FIG4: variants seen among roughly 807,000 people sequenced by gnomAD.
FIG4 encodes FIG4 phosphoinositide 5-phosphatase.
A neutral mutation model predicts 118.6 loss-of-function variants in FIG4; 112 were observed. The observed-to-expected ratio is 0.94, with a 90% CI of 0.81 to 1.11. The LOEUF (loss-of-function observed/expected upper bound fraction) is 1.11. Among genes scored for constraint, FIG4 ranks in the 50% least tolerant of loss-of-function variants. The pLI is 0.00. For synonymous variants in FIG4, 369 were observed against 381.2 expected (o/e 0.97, Z 0.37); for missense variants, 969 against 1,111.7 (o/e 0.87, Z 1.83).
intron 2 of FIG4, 46 bp from the exon 3 acceptor site, chr6:109,716,399 C>T: frequency 6.2e-7 from 1 of 1,604,632 alleles, no homozygotes; most frequent in Non-Finnish European, 8.5e-7. Context: ...AATAAATAAT[C>T]TAAAGTTTAA....
At chr6:109,734,192 C>G (rs1776092289) in intron 5 of FIG4, among the ~76,000 whole-genome samples, 1 of 151,684 alleles carries the variant, frequency 6.6e-6, no homozygotes, top group Non-Finnish European at 1.5e-5. Flanking sequence ...ACTCTCCAGA[C>G]ACAATTGTAC....
At chr6:109,776,429 A>G (rs1297104168) in intron 15 of FIG4, among the ~76,000 whole-genome samples, 5 of 152,190 alleles carry the variant, frequency 3.3e-5, no homozygotes, top group Non-Finnish European at 7.3e-5. Flanking sequence ...TATCTTTTCA[A>G]GGATTAAAAG....
chr6:109,726,654 G>T (rs979663338), intron 3 of FIG4, among the ~76,000 whole-genome samples: 5 of 152,168 alleles, frequency 3.3e-5, no homozygotes, highest in Non-Finnish European at 5.9e-5. Flanking sequence ...GAAAGTCAAT[G>T]GTAGCTTGAT....
chr6:109,747,036 G>A (rs1210585726), intron 10 of FIG4, among the ~76,000 whole-genome samples: 3 of 152,044 alleles, frequency 2.0e-5, no homozygotes, highest in South Asian at 2.1e-4. Flanking sequence ...TTTGTTGGGG[G>A]AAGATCATGA....
Position 109,766,711 on chromosome 6 carries a change from G to C in FIG4, c.1584-18G>C, listed in dbSNP as rs368265869. The stretch of plus-strand genomic sequence containing the variant: ...TTGATTTTGGTGAAATTCTTTAATC[G>C]GGTTTTTCTTTTTTTAGGTTATTTG... On this transcript the variant is annotated intron_variant, in intron 14 of 22. Coordinates refer to ENST00000230124, the MANE Select transcript of FIG4 (RefSeq NM_014845.6). 6.2e-7 allele frequency: 1 copy of C among 1,609,832 alleles called. No individual in the cohort carries two copies. The highest frequency in any genetic ancestry group is 2.2e-5 in the East Asian group (1 of 44,840).
chr6:109,779,565 CT>C (rs1288798935), intron 16 of FIG4, among the ~76,000 whole-genome samples: 1 of 152,126 alleles, frequency 6.6e-6, no homozygotes, highest in Non-Finnish European at 1.5e-5. Flanking sequence ...TTTAGGTCTC[CT>C]TTTTCTGTTT....
At chr6:109,821,846 A>C (rs1195522180) in intron 22 of FIG4, among the ~76,000 whole-genome samples, 1 of 152,194 alleles carries the variant, frequency 6.6e-6, no homozygotes, top group Non-Finnish European at 1.5e-5. Flanking sequence ...GAAACTCTAC[A>C]ACCCAGATTC....
At chr6:109,696,682 A>C (rs975611444) in intron 1 of FIG4, among the ~76,000 whole-genome samples, 4 of 152,178 alleles carry the variant, frequency 2.6e-5, no homozygotes, top group African/African-American at 9.7e-5. Context: ...GTGCTAAAAA[A>C]CGATGTTGAG....
chr6:109,773,431 C>A (rs1014211234), intron 15 of FIG4, among the ~76,000 whole-genome samples: 3 of 152,150 alleles, frequency 2.0e-5, no homozygotes, highest in Non-Finnish European at 4.4e-5. Context: ...GACTCTGTCT[C>A]AAGTCCGTTT....
In FIG4 at chr6:109,691,500, CTG is replaced by C; in HGVS notation, c.66+2_66+3del. 1 of 1,577,074 alleles carries C rather than the reference CTG, an allele frequency of 6.3e-7. No homozygotes were observed. On this transcript the variant is annotated splice_donor_variant and coding_sequence_variant, in exon 1 of 23. Transcript: ENST00000230124. LOFTEE classifies it high-confidence loss of function. ...AAGCTGGTTCTGTATGAGACTAGAG[CTG>C]TGAGTACCCCCTCGCGGCGGGGCGC...
chr6:109,719,563 TC>T (rs1455688064), intron 3 of FIG4, among the ~76,000 whole-genome samples: 1 of 151,992 alleles, frequency 6.6e-6, no homozygotes, highest in Non-Finnish European at 1.5e-5. Context: ...TTTTTTCTTT[TC>T]TTTTTTTTTT....
chr6:109,724,877 C>T (rs1775750090), intron 3 of FIG4, among the ~76,000 whole-genome samples: 3 of 150,234 alleles, frequency 2.0e-5, no homozygotes. Flanking sequence ...ACAGAATTTA[C>T]CGTCACAATC....
Position 109,796,831 on chromosome 6 carries a change from C to T in FIG4, c.2526C>T (p.Cys842=). 1 of 1,603,396 alleles carries T rather than the reference C, an allele frequency of 6.2e-7. No homozygotes were observed. Among genetic ancestry groups the T allele is most frequent in the Non-Finnish European group, 8.5e-7 (1 of 1,170,222 alleles). ...ATAGCCAGCAGCCCTGTTCTAGGTG[C>T]TCAGATGGAGTTATAAAACTGTAAG... ...DKNSQQPCSR[C]SDGVIKLTPI... The change falls in exon 22 of 23, where the codon TGC becomes TGT. Residue 842 remains cysteine (C), a synonymous_variant. Transcript: ENST00000230124.
intron 21 of FIG4, among the ~76,000 whole-genome samples, chr6:109,795,216 CG>C (rs1778252483): frequency 6.8e-6 from 1 of 146,234 alleles, no homozygotes; most frequent in Admixed American, 7.2e-5. Context: ...GCTCCGCTTC[CG>C]GGGTTCACGC....
At chr6:109,723,220 A>G (rs1775664789) in intron 3 of FIG4, among the ~76,000 whole-genome samples, 1 of 152,042 alleles carries the variant, frequency 6.6e-6, no homozygotes, top group Non-Finnish European at 1.5e-5. Context: ...AGCTCCTTGC[A>G]TTGCTATTTC....
chr6:109,722,609 C>CTT (rs1364319572), intron 3 of FIG4, among the ~76,000 whole-genome samples: 1 of 151,520 alleles, frequency 6.6e-6, no homozygotes, highest in Admixed American at 6.6e-5. Flanking sequence ...ATATAAGATT[C>CTT]TTATATATAT....
chr6:109,727,278 G>A lies in FIG4; in HGVS notation c.446+13G>A. 2.6e-6 allele frequency: 4 copies of A among 1,547,148 alleles called. No individual in the cohort carries two copies. The highest frequency in any genetic ancestry group is 2.3e-5 in the East Asian group (1 of 43,258). ...CTGATGAAGCTAGGTATGTATGGTGGTAACTACCTTTTTTTTTTTGGAGAC... is the reference window on the plus strand; with the variant it reads ...CTGATGAAGCTAGGTATGTATGGTGATAACTACCTTTTTTTTTTTGGAGAC... On this transcript the variant is annotated intron_variant, in intron 4 of 22. Coordinates refer to ENST00000230124, the MANE Select transcript of FIG4 (RefSeq NM_014845.6).
Position 109,717,363 on chromosome 6 carries a change from A to G in FIG4, c.289+795A>G, listed in dbSNP as rs528020458. On this transcript the variant is annotated intron_variant, in intron 3 of 22. Transcript: ENST00000230124. ...TTACCTGAGCTCCACCTTTCCCCCA[A>G]TTCTGTAATAACTCCTTTACTTTAG... Among the ~76,000 whole-genome samples, 5 of 152,126 alleles carry G rather than the reference A, an allele frequency of 3.3e-5. No homozygotes were observed. In the East Asian group the frequency reaches 9.7e-4, roughly 29 times the overall value.
intron 1 of FIG4, among the ~76,000 whole-genome samples, chr6:109,703,099 A>T (rs1266583792): frequency 2.0e-5 from 3 of 149,832 alleles, no homozygotes; most frequent in Admixed American, 6.6e-5. Context: ...ATAGAAGTTC[A>T]TTTTTTTTTT....
Sources: gnomAD v4.1 joint callset for allele counts (sites outside exome capture counted in the v4.1 genomes callset) on GRCh38, gnomAD v4.1.1 for gene constraint, MANE v1.5 for transcripts, NCBI Gene and HGNC (gene_info 2026-07-23, HGNC 2026-07-21) for gene names.